ALG5: variants seen among roughly 807,000 people sequenced by gnomAD.
ALG5 encodes the protein ALG5 dolichyl-phosphate beta-glucosyltransferase, also known as dolichyl-phosphate beta-glucosyltransferase.
ALG5 carries 26 observed loss-of-function variants against 51.8 expected under a neutral mutation model. The observed-to-expected ratio is 0.50, with a 90% CI of 0.37 to 0.70. The LOEUF (loss-of-function observed/expected upper bound fraction) is 0.70, where lower values mean the gene tolerates loss of function less well. Ranked by LOEUF, ALG5 falls within the 30% of genes least tolerant of loss-of-function variation. The pLI is 0.00. For synonymous variants in ALG5, 141 were observed against 136.1 expected (o/e 1.04, Z -0.25); for missense variants, 311 against 399.3 (o/e 0.78, Z 1.88).
At position 36,949,817 on chromosome 13, in the gene ALG5, C is replaced by A. The variant is rs2058810552; in HGVS notation, c.*125G>T. ...ATTTTTTACTTATGGAAAGTTATTT[C>A]TTTAAAATTATCAAAAGGCAGACAA... On this transcript the variant is annotated 3_prime_UTR_variant, in exon 10 of 10. Transcript: ENST00000239891. 1 of 497,750 alleles carries A rather than the reference C, an allele frequency of 2.0e-6. No individual in the cohort carries two copies. The highest frequency in any genetic ancestry group is 3.5e-6 in the Non-Finnish European group (1 of 286,348). 30.8% of individuals were successfully genotyped at this position (497,750 alleles called of 1,614,324 possible).
chr13:36,967,732 T>G, intron 7 of ALG5: 2 of 893,842 alleles, frequency 2.2e-6, no homozygotes, highest in Non-Finnish European at 3.2e-6. Flanking sequence ...TCACAACAGC[T>G]TGCTCAGTGC....
chr13:36,992,040 T>C (rs2059027780), intron 4 of ALG5, among the ~76,000 whole-genome samples: 1 of 152,226 alleles, frequency 6.6e-6, no homozygotes, highest in African/African-American at 2.4e-5. Context: ...GAAAATGATA[T>C]GGATCTAGCA....
At chr13:36,989,427 A>T in intron 5 of ALG5, 57 bp downstream of exon 5, 1 of 1,347,750 alleles carries the variant, frequency 7.4e-7, no homozygotes, top group Admixed American at 1.8e-5. Context: ...AGTCTGCAAA[A>T]GACATTATTC....
chr13:36,979,722 C>T (rs748404536), intron 6 of ALG5, among the ~76,000 whole-genome samples: 13 of 152,060 alleles, frequency 8.5e-5, no homozygotes, highest in Non-Finnish European at 1.8e-4. Flanking sequence ...GCTTAAAAAA[C>T]TAAAAACTCA....
intron 1 of ALG5, chr13:36,998,786 T>G: frequency 6.4e-6 from 1 of 156,142 alleles, no homozygotes; most frequent in Non-Finnish European, 1.4e-5. Context: ...GTCACCCCTA[T>G]TTGCTTAACC....
chr13:36,963,596 G>T (rs1227640098), intron 8 of ALG5, among the ~76,000 whole-genome samples: 1 of 149,102 alleles, frequency 6.7e-6, no homozygotes, highest in Non-Finnish European at 1.5e-5. Flanking sequence ...TATTAACTAT[G>T]AGTTTATTTT....
chr13:36,952,455 T>G, intron 9 of ALG5, 59 bp downstream of exon 9: 1 of 1,267,256 alleles, frequency 7.9e-7, no homozygotes, highest in Non-Finnish European at 1.1e-6. Context: ...GCCAGCTGAC[T>G]TTACTAAACA....
At chr13:36,984,949 C>T (rs565032410) in intron 6 of ALG5, among the ~76,000 whole-genome samples, 38 of 152,188 alleles carry the variant, frequency 2.5e-4, no homozygotes, top group African/African-American at 9.2e-4. Context: ...CTTGCTTCTG[C>T]TGAAATTCTG....
chr13:36,981,347 T>C (rs2058978372), intron 6 of ALG5, among the ~76,000 whole-genome samples: 1 of 152,198 alleles, frequency 6.6e-6, no homozygotes, highest in African/African-American at 2.4e-5. Flanking sequence ...ATGACTGCCA[T>C]CTAGTGAGAC....
intron 8 of ALG5, among the ~76,000 whole-genome samples, chr13:36,963,840 T>A (rs2058879598): frequency 6.6e-6 from 1 of 152,152 alleles, no homozygotes; most frequent in South Asian, 2.1e-4. Flanking sequence ...TATACTGGCA[T>A]AATCATGCAG....
At chr13:36,979,154 C>CTA (rs1320188449) in intron 6 of ALG5, among the ~76,000 whole-genome samples, 1 of 151,924 alleles carries the variant, frequency 6.6e-6, no homozygotes, top group Admixed American at 6.6e-5. Flanking sequence ...GTAGCTGGGA[C>CTA]TACAGGTGTG....
chr13:36,955,944 T>G (rs2058838206), intron 8 of ALG5, among the ~76,000 whole-genome samples: 3 of 152,292 alleles, frequency 2.0e-5, no homozygotes, highest in African/African-American at 7.2e-5. Context: ...GTCTGGGCCA[T>G]GTGTTTTTTA....
At chr13:36,993,452 T>C (rs1010605175) in intron 4 of ALG5, 152 bp downstream of exon 4, 2 of 644,284 alleles carry the variant, frequency 3.1e-6, no homozygotes, top group Non-Finnish European at 5.4e-6. Flanking sequence ...GTTCCATAAA[T>C]GAAATCTGTT....
At chr13:36,986,915 T>G (rs1330753648) in intron 5 of ALG5, among the ~76,000 whole-genome samples, 1 of 152,212 alleles carries the variant, frequency 6.6e-6, no homozygotes, top group Non-Finnish European at 1.5e-5. Flanking sequence ...ATCAAACTTG[T>G]TTAAGCCTAC....
chr13:36,979,695 A>C (rs1274673080), intron 6 of ALG5, among the ~76,000 whole-genome samples: 1 of 152,080 alleles, frequency 6.6e-6, no homozygotes, highest in Non-Finnish European at 1.5e-5. Flanking sequence ...ATATCCATTA[A>C]TTCTAGTCAT....
intron 6 of ALG5, among the ~76,000 whole-genome samples, chr13:36,979,461 G>A (rs886974357): frequency 6.6e-6 from 1 of 152,140 alleles, no homozygotes; most frequent in Non-Finnish European, 1.5e-5. Flanking sequence ...CACAAAAAAA[G>A]GGAGAAGGAC....
chr13:36,954,252 C>T (rs1424015999), intron 8 of ALG5, among the ~76,000 whole-genome samples: 2 of 79,830 alleles, frequency 2.5e-5, no homozygotes, highest in South Asian at 7.9e-4. Context: ...CCTTACTAGT[C>T]CTATAATTTT....
At chr13:36,956,741 G>A (rs2058841528) in intron 8 of ALG5, among the ~76,000 whole-genome samples, 1 of 152,112 alleles carries the variant, frequency 6.6e-6, no homozygotes, top group African/African-American at 2.4e-5. Flanking sequence ...GTCCGTGTTT[G>A]TTACGGCTCG....
At chr13:36,970,473 G>A (rs1229158089) in intron 7 of ALG5, among the ~76,000 whole-genome samples, 1 of 152,040 alleles carries the variant, frequency 6.6e-6, no homozygotes, top group Non-Finnish European at 1.5e-5. Flanking sequence ...GGTGGCGCAC[G>A]CCTGTAATCC....
Sources: allele counts gnomAD v4.1 joint callset (sites outside exome capture counted in the v4.1 genomes callset), GRCh38; gene constraint gnomAD v4.1.1; transcripts MANE v1.5; gene names NCBI Gene and HGNC (gene_info 2026-07-23, HGNC 2026-07-21).